Variants in ITGAE observed in about 807,000 individuals in gnomAD.
The protein encoded by ITGAE is integrin subunit alpha E, also known as integrin alpha-E.
ITGAE carries 99 observed loss-of-function variants against 136.5 expected under a neutral mutation model. The ratio of observed to expected loss-of-function variants is 0.73; its 90% CI spans 0.62 to 0.86. ITGAE has a LOEUF of 0.86. ITGAE is among the 40% of genes least tolerant of loss of function. The probability of loss-of-function intolerance (pLI) is 0.00; values close to 1 mark genes in which losing one functional copy is unlikely to be tolerated. For missense variants in ITGAE, 1,447 were observed against 1,515.3 expected (o/e 0.95, Z 0.75); for synonymous variants, 613 against 591.8 (o/e 1.04, Z -0.52).
In ITGAE at chr17:3,714,942, A is replaced by C. The variant is rs375362839; in HGVS notation, c.3445T>G (p.Cys1149Gly). 2.8e-5 allele frequency: 44 copies of C among 1,585,812 alleles called. 2 individuals carry two copies. The South Asian group carries it at 4.2e-4, about 15-fold the overall frequency. ...LIVILVILFK[C>G]GFFKRKYQQL... Reference sequence around the variant, plus strand: ...TGATATTTTCTTTTAAAAAAGCCACACTGAAACAAAGGAAGGAAAAGTCCA... The same window carrying C: ...TGATATTTTCTTTTAAAAAAGCCACCCTGAAACAAAGGAAGGAAAAGTCCA... The change falls in exon 31 of 31, where the codon TGT becomes GGT. Residue 1149 changes from cysteine to glycine, a missense_variant and splice_region_variant. Transcript: ENST00000263087.
Position 3,725,915 on chromosome 17 carries a change from CA to C in ITGAE, c.3084+2003del, listed in dbSNP as rs764927743. The C allele has an allele frequency of 3.1e-6, 5 of 1,613,408 alleles. No individual in the cohort carries two copies. In the Admixed American group the frequency reaches 8.3e-5, roughly 27 times the overall value. On this transcript the variant is annotated intron_variant, in intron 26 of 30. Coordinates refer to ENST00000263087, the MANE Select transcript of ITGAE (RefSeq NM_002208.5). ...GGGGGAACGTGCTCTTAAAGAAAAC[CA>C]GCCTCAAAAAACTCCACTACACCCT...
In ITGAE at chr17:3,798,630, T is replaced by C. The variant is rs2053178913; in HGVS notation, c.34+2481A>G. Among the ~76,000 whole-genome samples the C allele has an allele frequency of 6.6e-6, 1 of 152,174 alleles. No homozygotes were observed. The highest frequency in any genetic ancestry group is 2.1e-4 in the South Asian group (1 of 4,828). On this transcript the variant is annotated intron_variant, in intron 1 of 30. Transcript: ENST00000263087. The surrounding 1 kb of genome is among the most constrained non-coding windows in gnomAD (Gnocchi z 4.3). ...CGGGGTGATGCCCCGGCACAGCCCC[T>C]GGCCTCAGCCCGAGTGCGTGCCACC...
intron 29 of ITGAE, 60 bp downstream of exon 29, chr17:3,720,247 G>T: frequency 1.3e-6 from 1 of 782,660 alleles, no homozygotes; most frequent in Non-Finnish European, 2.3e-6. Context: ...GTCTGTGGAG[G>T]TGCTCAAAGG....
rs527380815 is a variant in ITGAE at position 3,779,966 on chromosome 17, G to C, written c.35-2306C>G. 2.0e-5 allele frequency among the ~76,000 whole-genome samples: 3 copies of C among 151,704 alleles called. No homozygotes were observed. In the South Asian group the frequency reaches 6.3e-4, roughly 32 times the overall value. On this transcript the variant is annotated intron_variant, in intron 1 of 30. Coordinates refer to ENST00000263087, the MANE Select transcript of ITGAE (RefSeq NM_002208.5). ...TGTTTTAAGAGTATATCATCATCTT[G>C]TTCCAAAATTATTATTATTTTTTTA... is the stretch of plus-strand genomic sequence containing the variant.
At position 3,777,609 on chromosome 17, in the gene ITGAE, G is replaced by T. The variant is rs368892790; in HGVS notation, c.86C>A (p.Thr29Lys). Residue 29 changes from threonine to lysine, a missense_variant, in exon 2 of 31, where the codon ACG (threonine) becomes AAG (lysine). Thr to Lys is a moderately conservative substitution (Grantham distance 78). Coordinates refer to ENST00000263087, the MANE Select transcript of ITGAE (RefSeq NM_002208.5). ...FNVDVARPWL[T>K]PKGGAPFVLS... is the part of the protein sequence containing the mutation. ...CACGAAAGGGGCACCTCCCTTGGGC[G>T]TGAGCCAGGGCCGGGCCACATCCAC... The T allele has an allele frequency of 1.9e-6, 3 of 1,614,018 alleles. No individual in the cohort carries two copies. The highest frequency in any genetic ancestry group is 2.5e-6 in the Non-Finnish European group (3 of 1,179,960).
At chr17:3,723,662 T>A in intron 27 of ITGAE, 26 bp downstream of exon 27, 1 of 1,565,840 alleles carries the variant, frequency 6.4e-7, no homozygotes, top group Admixed American at 1.9e-5. Flanking sequence ...CGCCCTCCCC[T>A]GGCCTCTCGG....
chr17:3,743,709 T>C (rs1448915894), intron 18 of ITGAE, 92 bp from the exon 19 acceptor site: 1 of 1,336,484 alleles, frequency 7.5e-7, no homozygotes, highest in Non-Finnish European at 1.0e-6. Context: ...TTTTTTCTTT[T>C]TTTTTTTTTT....
chr17:3,740,997 T>C (rs2051571890), intron 19 of ITGAE, among the ~76,000 whole-genome samples: 1 of 151,890 alleles, frequency 6.6e-6, no homozygotes, highest in Non-Finnish European at 1.5e-5. Flanking sequence ...GGAAGGGGGA[T>C]GCCATTTGCA....
chr17:3,715,052 ATACTTAC>A (rs1425135543), intron 30 of ITGAE, 110 bp from the exon 31 acceptor site: 10 of 648,636 alleles, frequency 1.5e-5, no homozygotes, highest in African/African-American at 9.0e-5. Flanking sequence ...TCTGCTTCTC[ATACTTAC>A]TACTCCCTTC....
rs73318119 is a variant in ITGAE, at chr17:3,761,651, C to A, written c.316-131G>T. 3.4e-5 allele frequency: 28 copies of A among 834,474 alleles called. No homozygotes were observed. The African/African-American group carries it at 4.6e-4, about 14-fold the overall frequency. 51.7% of individuals were successfully genotyped at this position (834,474 alleles called of 1,614,324 possible). On this transcript the variant is annotated intron_variant, in intron 4 of 30. Coordinates refer to ENST00000263087, the MANE Select transcript of ITGAE (RefSeq NM_002208.5). The stretch of plus-strand genomic sequence containing the variant: ...GGGGGCACAGGAAGAGCTGGCCCAC[C>A]CCTCACCGGGTGTAGGAGTCAGTGT...
chr17:3,752,152 C>T (rs11657621), intron 14 of ITGAE, among the ~76,000 whole-genome samples: 1 of 152,100 alleles, frequency 6.6e-6, no homozygotes, highest in African/African-American at 2.4e-5. Context: ...TGGCCAGGGA[C>T]CTTCCCAAGG....
intron 26 of ITGAE, chr17:3,726,472 T>C: frequency 1.6e-6 from 1 of 637,786 alleles, no homozygotes; most frequent in Non-Finnish European, 2.8e-6. Context: ...AGAATTTTGT[T>C]TCCAAATGGA....
chr17:3,755,820 A>G lies in ITGAE; in HGVS notation c.1239+10T>C, dbSNP rs1461156942. ...GGGCAAGCCTGCCTGGTGCTGAGTC[A>G]GCCACGTACCTCATCCAGGATCTGA... On this transcript the variant is annotated intron_variant, in intron 11 of 30. Coordinates refer to ENST00000263087, the MANE Select transcript of ITGAE (RefSeq NM_002208.5). 6.3e-7 allele frequency: 1 copy of G among 1,585,726 alleles called. No homozygotes were observed. The highest frequency in any genetic ancestry group is 8.6e-7 in the Non-Finnish European group (1 of 1,166,444).
intron 2 of ITGAE, among the ~76,000 whole-genome samples, chr17:3,773,429 A>G (rs1254841960): frequency 1.3e-5 from 2 of 152,018 alleles, no homozygotes; most frequent in Non-Finnish European, 2.9e-5. Context: ...GGTTGCAGTG[A>G]GCCGAGAGCA....
At chr17:3,763,784 G>T in intron 3 of ITGAE, 85 bp downstream of exon 3, 2 of 1,072,478 alleles carry the variant, frequency 1.9e-6, no homozygotes, top group South Asian at 1.3e-5. Context: ...CAGGGCTGGG[G>T]TTGGAATGGT....
At position 3,728,179 on chromosome 17, in the gene ITGAE, C is replaced by T. The variant is rs7219600; in HGVS notation, c.2913-11G>A. ...TACATTATGGATGGTCTGCAATTGA[C>T]AGGACATGCGTCAGCCCTTGAGGAG... On this transcript the variant is annotated splice_polypyrimidine_tract_variant and intron_variant, in intron 24 of 30. Transcript: ENST00000263087. 6.2e-7 allele frequency: 1 copy of T among 1,602,668 alleles called. No individual in the cohort carries two copies. The highest frequency in any genetic ancestry group is 2.2e-5 in the East Asian group (1 of 44,872).
At chr17:3,755,282 G>C (rs748727777) in intron 11 of ITGAE, 21 bp from the exon 12 acceptor site, 1 of 1,547,162 alleles carries the variant, frequency 6.5e-7, no homozygotes, top group African/African-American at 1.4e-5. Context: ...CGGGGATGGG[G>C]CCCAGATGAG....
intron 23 of ITGAE, among the ~76,000 whole-genome samples, 186 bp downstream of exon 23, chr17:3,730,918 C>A (rs2051326715): frequency 6.6e-6 from 1 of 152,172 alleles, no homozygotes; most frequent in Non-Finnish European, 1.5e-5. Context: ...AGAACATTTT[C>A]ATTATCTCTG....
At chr17:3,740,625 C>A (rs1018245292) in intron 19 of ITGAE, among the ~76,000 whole-genome samples, 2 of 152,250 alleles carry the variant, frequency 1.3e-5, no homozygotes, top group Non-Finnish European at 2.9e-5. Flanking sequence ...ATCCACCCAC[C>A]TTGGCCTTCC....
Sources: gnomAD v4.1 joint callset for allele counts (sites outside exome capture counted in the v4.1 genomes callset) on GRCh38, gnomAD v4.1.1 for gene constraint, Gnocchi (gnomAD v3.1) non-coding constraint, MANE v1.5 for transcripts, NCBI Gene and HGNC (gene_info 2026-07-23, HGNC 2026-07-21) for gene names.